The following SPRED1 variants were observed in gnomAD, a reference collection of about 807,000 sequenced individuals.
SPRED1 encodes the protein sprouty-related, EVH1 domain-containing protein 1.
A neutral mutation model predicts 52.3 loss-of-function variants in SPRED1; 18 were observed. That is an observed-to-expected ratio of 0.34 (90% CI 0.24 to 0.51). SPRED1 has a LOEUF of 0.51. Ranked by LOEUF, SPRED1 falls within the 20% of genes least tolerant of loss-of-function variation. The pLI is 0.97. For missense variants in SPRED1, 485 were observed against 551.0 expected (o/e 0.88, Z 1.20); for synonymous variants, 155 against 179.7 (o/e 0.86, Z 1.10).
intron 1 of SPRED1, among the ~76,000 whole-genome samples, chr15:38,280,550 A>G (rs1894666138): frequency 6.6e-6 from 1 of 152,164 alleles, no homozygotes; most frequent in Admixed American, 6.5e-5. Flanking sequence ...GATAATTATA[A>G]TTGAGTTAGA....
Position 38,351,799 on chromosome 15 carries a change from C to G in SPRED1, c.*135C>G. The G allele has an allele frequency of 9.0e-7, 1 of 1,116,982 alleles. No individual in the cohort carries two copies. The highest frequency in any genetic ancestry group is 1.3e-6 in the Non-Finnish European group (1 of 773,958). The allele number at this position is 1,116,982 out of a possible 1,614,324, so 69.2% of individuals were successfully genotyped here. A position where few individuals can be genotyped will look rare whatever the true frequency, so the allele number is the denominator to read the frequency against. The stretch of plus-strand genomic sequence containing the variant: ...GCCCACACATGGAGGAAGCAGAACT[C>G]ATCAGTTCTTGGCGTTTCACGCCAT... On this transcript the variant is annotated 3_prime_UTR_variant, in exon 7 of 7. Transcript: ENST00000299084.
intron 2 of SPRED1, among the ~76,000 whole-genome samples, chr15:38,312,174 T>C (rs1895382080): frequency 6.6e-6 from 1 of 152,152 alleles, no homozygotes; most frequent in Non-Finnish European, 1.5e-5. Flanking sequence ...TTCTAAATGG[T>C]TTCTGTGTTA....
chr15:38,294,313 CA>C (rs1360314180), intron 1 of SPRED1, among the ~76,000 whole-genome samples: 1 of 152,072 alleles, frequency 6.6e-6, no homozygotes, highest in Non-Finnish European at 1.5e-5. Context: ...AATCTTAAGG[CA>C]TTGTAAGAAC....
At chr15:38,288,987 C>T (rs8029597) in intron 1 of SPRED1, among the ~76,000 whole-genome samples, 125,487 of 152,052 alleles carry the variant, frequency 0.83, 52,539 homozygotes, top group Non-Finnish European at 0.9. Flanking sequence ...ATTCCAAATA[C>T]AACATCATAA....
intron 1 of SPRED1, among the ~76,000 whole-genome samples, chr15:38,288,561 C>T (rs368758505): frequency 7.8e-4 from 119 of 152,144 alleles, no homozygotes; most frequent in African/African-American, 2.5e-3. Context: ...AAGGAGCAAC[C>T]GATAGAATAT....
rs1210829677 is a variant in SPRED1, at chr15:38,321,278, T to C, written c.208-963T>C. Among the ~76,000 whole-genome samples, 4 of 152,228 alleles carry C rather than the reference T, an allele frequency of 2.6e-5. No individual in the cohort carries two copies. In the East Asian group the frequency reaches 5.8e-4, roughly 22 times the overall value. The stretch of plus-strand genomic sequence containing the variant: ...GGGAAAACAGGAATTTTCTGTGTTA[T>C]TCTTGTTACTTTTCTACAAATTTGA... On this transcript the variant is annotated intron_variant, in intron 2 of 6. Transcript: ENST00000299084.
In SPRED1 at chr15:38,299,361, C is replaced by T; in HGVS notation, c.33-12C>T. ...TGGAAAAGCTAATTCCTGATCTTTGCATCTATTTTAGTAATAGTTATGCAC... is the reference window on the plus strand; with the variant it reads ...TGGAAAAGCTAATTCCTGATCTTTGTATCTATTTTAGTAATAGTTATGCAC... On this transcript the variant is annotated splice_polypyrimidine_tract_variant and intron_variant, in intron 1 of 6. Transcript: ENST00000299084. 1 of 1,613,674 alleles carries T rather than the reference C, an allele frequency of 6.2e-7. No individual in the cohort carries two copies. Among genetic ancestry groups the T allele is most frequent in the African/African-American group, 1.3e-5 (1 of 75,004 alleles).
chr15:38,343,672 G>C (rs1219749283), intron 5 of SPRED1, among the ~76,000 whole-genome samples: 4 of 152,064 alleles, frequency 2.6e-5, no homozygotes, highest in African/African-American at 9.7e-5. Flanking sequence ...AATACAGTTT[G>C]AATTACTCAA....
intron 2 of SPRED1, among the ~76,000 whole-genome samples, chr15:38,311,524 G>C (rs1370208762): frequency 2.0e-5 from 3 of 152,110 alleles, no homozygotes; most frequent in South Asian, 4.1e-4. Context: ...TTAGATGGTA[G>C]AATTTTTCAT....
intron 5 of SPRED1, among the ~76,000 whole-genome samples, chr15:38,345,327 A>T (rs1472227748): frequency 6.6e-6 from 1 of 152,236 alleles, no homozygotes; most frequent in Non-Finnish European, 1.5e-5. Flanking sequence ...ATAGGTCTTT[A>T]TGAGATCATC....
At chr15:38,254,031 G>C (rs1287395533) in intron 1 of SPRED1, among the ~76,000 whole-genome samples, 3 of 152,122 alleles carry the variant, frequency 2.0e-5, no homozygotes, top group Non-Finnish European at 4.4e-5. Context: ...CTTTCCAAAC[G>C]AAATACTTCG....
At chr15:38,311,971 A>G (rs1010042708) in intron 2 of SPRED1, among the ~76,000 whole-genome samples, 6 of 152,028 alleles carry the variant, frequency 3.9e-5, no homozygotes, top group African/African-American at 1.4e-4. Context: ...AGGAACTTCA[A>G]TTATTGATTT....
chr15:38,344,408 G>T (rs1013875484), intron 5 of SPRED1, among the ~76,000 whole-genome samples: 5 of 152,132 alleles, frequency 3.3e-5, no homozygotes, highest in Non-Finnish European at 5.9e-5. Flanking sequence ...GATTGATGGG[G>T]AAAAAGAACT....
At chr15:38,284,733 G>C (rs1274012085) in intron 1 of SPRED1, among the ~76,000 whole-genome samples, 1 of 151,532 alleles carries the variant, frequency 6.6e-6, no homozygotes, top group Non-Finnish European at 1.5e-5. Flanking sequence ...TAAACCTTCT[G>C]TTTTCTACAG....
At chr15:38,335,931 G>C (rs1306559992) in intron 4 of SPRED1, among the ~76,000 whole-genome samples, 2 of 152,012 alleles carry the variant, frequency 1.3e-5, no homozygotes, top group African/African-American at 4.8e-5. Flanking sequence ...TCAAAAGGGA[G>C]AAAGTATGCA....
At chr15:38,296,509 G>A (rs926726559) in intron 1 of SPRED1, among the ~76,000 whole-genome samples, 1 of 152,120 alleles carries the variant, frequency 6.6e-6, no homozygotes, top group Non-Finnish European at 1.5e-5. Flanking sequence ...TTGTCTTCGT[G>A]TGTTTGGTCA....
intron 1 of SPRED1, among the ~76,000 whole-genome samples, chr15:38,282,725 C>G (rs188612522): frequency 4.6e-5 from 7 of 152,226 alleles, no homozygotes; most frequent in African/African-American, 1.7e-4. Flanking sequence ...TACATCTTTG[C>G]TGTTTTTATT....
intron 2 of SPRED1, among the ~76,000 whole-genome samples, chr15:38,307,236 A>C (rs1895268737): frequency 6.6e-6 from 1 of 152,200 alleles, no homozygotes; most frequent in Non-Finnish European, 1.5e-5. Context: ...TTGGTTAATC[A>C]ACCACTGAGT....
intron 2 of SPRED1, among the ~76,000 whole-genome samples, chr15:38,305,989 T>C (rs968852547): frequency 1.7e-4 from 26 of 150,096 alleles, no homozygotes; most frequent in African/African-American, 6.3e-4. Context: ...AAGGCTACTA[T>C]TTTTTTTTTC....
Sources: allele counts gnomAD v4.1 joint callset (sites outside exome capture counted in the v4.1 genomes callset), GRCh38; gene constraint gnomAD v4.1.1; transcripts MANE v1.5; gene names NCBI Gene and HGNC (gene_info 2026-07-23, HGNC 2026-07-21).